Variants in MED12L observed in about 807,000 individuals in gnomAD.
MED12L encodes mediator of RNA polymerase II transcription subunit 12-like protein.
In MED12L, 60 loss-of-function variants were observed where a neutral mutation model predicts 281.3. The ratio of observed to expected loss-of-function variants is 0.21; its 90% CI spans 0.17 to 0.26. MED12L has a LOEUF of 0.26. Among genes scored for constraint, MED12L ranks in the 10% least tolerant of loss-of-function variants. The pLI is 1.00. For synonymous variants in MED12L, 974 were observed against 987.2 expected (o/e 0.99, Z 0.25); for missense variants, 2,146 against 2,680.9 (o/e 0.80, Z 4.41).
chr3:151,422,463 G>C (rs1023250801), intron 43 of MED12L, among the ~76,000 whole-genome samples: 4 of 152,124 alleles, frequency 2.6e-5, no homozygotes, highest in Admixed American at 2.6e-4. Context: ...GCCCGTGGAA[G>C]CAGCACCCTG....
chr3:151,204,831 TATGTTTACTTCCTCGGTTCACTTTA>T, intron 16 of MED12L, among the ~76,000 whole-genome samples: 1 of 152,220 alleles, frequency 6.6e-6, no homozygotes, highest in Non-Finnish European at 1.5e-5. Flanking sequence ...GGTCTCTTTA[TATGTTTACTTCCTCGGTTCACTTTA>T]AGGTTGTAGA....
intron 16 of MED12L, among the ~76,000 whole-genome samples, chr3:151,211,827 G>T (rs2149210930): frequency 1.3e-5 from 2 of 152,054 alleles, no homozygotes; most frequent in Middle Eastern, 6.8e-3. Flanking sequence ...ATATTTTTTT[G>T]TAGAGACAGA....
At chr3:151,190,961 C>T in intron 14 of MED12L, 30 bp downstream of exon 14, 1 of 1,593,058 alleles carries the variant, frequency 6.3e-7, no homozygotes, top group Non-Finnish European at 8.6e-7. Flanking sequence ...GCCCCACTCC[C>T]CCAGAAACTA....
At chr3:151,368,619 TATTTTATTTTATTTCATTTC>T (rs1248894630) in intron 25 of MED12L, among the ~76,000 whole-genome samples, 124 of 80,708 alleles carry the variant, frequency 1.5e-3, no homozygotes, top group African/African-American at 4.8e-3. Context: ...TATTTTATTT[TATTTTATTTTATTTCATTTC>T]ATTTCATTTC....
intron 21 of MED12L, among the ~76,000 whole-genome samples, chr3:151,362,657 A>AT (rs1754758059): frequency 6.6e-6 from 1 of 151,830 alleles, no homozygotes. Context: ...AGCTTTTTCT[A>AT]TTTTTTTCAC....
In MED12L at chr3:151,428,070, A is replaced by G. The variant is rs1577630573; in HGVS notation, c.6409-2229A>G. 3.3e-5 allele frequency among the ~76,000 whole-genome samples: 5 copies of G among 152,328 alleles called. No individual in the cohort carries two copies. The East Asian group carries it at 9.6e-4, about 29-fold the overall frequency. On this transcript the variant is annotated intron_variant, in intron 43 of 44. Coordinates refer to ENST00000687756, the MANE Select transcript of MED12L (RefSeq NM_001393769.1). ...TTCATGTGCTTGCTACAGAAATGTA[A>G]TATGCTTGATTATGGAGTGCTGTCC...
At position 151,357,177 on chromosome 3, in the gene MED12L, A is replaced by G. The variant is rs753724604; in HGVS notation, c.2662-36A>G. On this transcript the variant is annotated intron_variant, in intron 19 of 44. Transcript: ENST00000687756. ...AAATGTTTTCTCTATTTGTTTTGGC[A>G]CCTACATGTTTATTCAGTCTTTTCT... 22 of 1,516,770 alleles carry G rather than the reference A, an allele frequency of 1.5e-5. No individual in the cohort carries two copies. In the East Asian group the frequency reaches 3.9e-4, roughly 27 times the overall value. 94.0% of individuals were successfully genotyped at this position (1,516,770 alleles called of 1,614,324 possible).
intron 16 of MED12L, among the ~76,000 whole-genome samples, chr3:151,348,913 A>G (rs547237223): frequency 4.8e-4 from 73 of 152,336 alleles, no homozygotes; most frequent in South Asian, 2.1e-3. Context: ...TGTTGCTGCC[A>G]CTGCTAATTA....
intron 16 of MED12L, among the ~76,000 whole-genome samples, chr3:151,333,377 TC>T (rs1257804925): frequency 6.6e-6 from 1 of 152,214 alleles, no homozygotes; most frequent in Non-Finnish European, 1.5e-5. Context: ...GTGTAAGTGT[TC>T]CCTTCTCTCC....
intron 34 of MED12L, 23 bp downstream of exon 34, chr3:151,383,911 T>C (rs771404946): frequency 6.3e-7 from 1 of 1,590,616 alleles, no homozygotes; most frequent in Non-Finnish European, 8.6e-7. Flanking sequence ...CACTTCACAT[T>C]GATTTTGCTA....
intron 39 of MED12L, among the ~76,000 whole-genome samples, chr3:151,405,726 C>T (rs1716220326): frequency 6.6e-6 from 1 of 152,110 alleles, no homozygotes; most frequent in Non-Finnish European, 1.5e-5. Flanking sequence ...AAAGTGGCCT[C>T]AGTTGTTTTG....
At chr3:151,343,639 T>A (rs1752156367) in intron 16 of MED12L, among the ~76,000 whole-genome samples, 1 of 152,110 alleles carries the variant, frequency 6.6e-6, no homozygotes, top group Non-Finnish European at 1.5e-5. Context: ...ACACATACAG[T>A]TTGTAGTTAT....
intron 8 of MED12L, among the ~76,000 whole-genome samples, chr3:151,161,165 G>A (rs1719933175): frequency 6.6e-6 from 1 of 152,184 alleles, no homozygotes. Context: ...GAAGATTGGT[G>A]GGAGTGGGGA....
intron 11 of MED12L, among the ~76,000 whole-genome samples, chr3:151,169,136 G>A (rs74937351): frequency 7.9e-5 from 2 of 25,450 alleles, no homozygotes; most frequent in African/African-American, 3.0e-4. Context: ...TTTTTTTTTT[G>A]AGACGGAGTC....
At chr3:151,262,694 AC>A (rs1739128627) in intron 16 of MED12L, among the ~76,000 whole-genome samples, 1 of 152,232 alleles carries the variant, frequency 6.6e-6, no homozygotes, top group Non-Finnish European at 1.5e-5. Flanking sequence ...TTCTTGGGTA[AC>A]CAGTTATTTT....
At position 151,431,906 on chromosome 3, in the gene MED12L, A is replaced by T. The variant is rs112704251; in HGVS notation, c.6491-846A>T. 4.6e-3 allele frequency among the ~76,000 whole-genome samples: 694 copies of T among 152,338 alleles called. 6 individuals are homozygous for T. The highest frequency in any genetic ancestry group is 0.016 in the African/African-American group (664 of 41,580). On this transcript the variant is annotated intron_variant, in intron 44 of 44. Coordinates refer to ENST00000687756, the MANE Select transcript of MED12L (RefSeq NM_001393769.1). ...TTACAGATGAGGAAGCAACTGAAGAACGGGAACATTGACTAATTTGCCCAA... is the reference window on the plus strand; with the variant it reads ...TTACAGATGAGGAAGCAACTGAAGATCGGGAACATTGACTAATTTGCCCAA...
intron 16 of MED12L, among the ~76,000 whole-genome samples, chr3:151,332,620 A>G (rs1199237686): frequency 6.6e-6 from 1 of 152,234 alleles, no homozygotes; most frequent in Non-Finnish European, 1.5e-5. Context: ...ACAAACATAT[A>G]TAGTAGAAAG....
intron 16 of MED12L, among the ~76,000 whole-genome samples, chr3:151,323,644 C>T (rs562353984): frequency 1.3e-5 from 2 of 152,302 alleles, no homozygotes; most frequent in Admixed American, 6.5e-5. Context: ...TCTTCATTTT[C>T]TCCATGTGGA....
Position 151,198,356 on chromosome 3 carries a change from T to TTTTTTTTTAA in MED12L, c.2250+4690_2250+4691insTTTTTTTTAA. On this transcript the variant is annotated intron_variant, in intron 16 of 44. Transcript: ENST00000687756. Reference sequence around the variant, plus strand: ...AGTTTTTTTTTGTTTTTTTTTTTTTTATCTTTCAAAGCTATAATTAACTTT... The same window carrying TTTTTTTTTAA: ...AGTTTTTTTTTGTTTTTTTTTTTTTTTTTTTTTTAAATCTTTCAAAGCTATAATTAACTTT... 1.8e-6 allele frequency: 2 copies of TTTTTTTTTAA among 1,131,178 alleles called. 1 individual carries two copies. Among genetic ancestry groups the TTTTTTTTTAA allele is most frequent in the Admixed American group, 5.3e-5 (2 of 37,836 alleles). 70.1% of individuals were successfully genotyped at this position (1,131,178 alleles called of 1,614,324 possible). A position where few individuals can be genotyped will look rare whatever the true frequency, so the allele number is the denominator to read the frequency against.
Sources: allele counts gnomAD v4.1 joint callset (sites outside exome capture counted in the v4.1 genomes callset), GRCh38; gene constraint gnomAD v4.1.1; transcripts MANE v1.5; gene names NCBI Gene and HGNC (gene_info 2026-07-23, HGNC 2026-07-21).